The following CDH18 variants were observed in gnomAD, a reference collection of about 807,000 sequenced individuals.
CDH18 encodes the protein cadherin-18.
CDH18 carries 31 observed loss-of-function variants against 67.9 expected under a neutral mutation model. That is an observed-to-expected ratio of 0.46 (90% CI 0.34 to 0.62). CDH18 has a LOEUF of 0.62. CDH18 is among the 20% of genes least tolerant of loss of function. The pLI is 0.01. For synonymous variants in CDH18, 362 were observed against 347.2 expected, an observed-to-expected ratio of 1.04 and a Z score of -0.48; for missense variants, 890 against 975.5, an observed-to-expected ratio of 0.91 and a Z score of 1.17.
chr5:19,636,810 A>T (rs1385623180), intron 5 of CDH18, among the ~76,000 whole-genome samples: 3 of 152,068 alleles, frequency 2.0e-5, no homozygotes, highest in African/African-American at 7.2e-5. Context: ...GTTAAGAATG[A>T]AAATAAAACA....
intron 1 of CDH18, among the ~76,000 whole-genome samples, chr5:20,538,846 T>C (rs914007898): frequency 6.0e-5 from 9 of 150,734 alleles, no homozygotes; most frequent in Admixed American, 1.3e-4. Flanking sequence ...GAATTTTGAA[T>C]TGAGGTGGCC....
At position 19,571,598 on chromosome 5, in the gene CDH18, T is replaced by C. The variant is rs755361521; in HGVS notation, c.1234A>G (p.Ser412Gly). 3 of 1,614,034 alleles carry C rather than the reference T, an allele frequency of 1.9e-6. No homozygotes were observed. The highest frequency in any genetic ancestry group is 2.5e-6 in the Non-Finnish European group (3 of 1,179,898). ...CCATACCTTACTAAGCTGTTAGTACTGTCAGGATCTTGTGCCAAAACTGTA... is the reference window on the plus strand; with the variant it reads ...CCATACCTTACTAAGCTGTTAGTACCGTCAGGATCTTGTGCCAAAACTGTA... ...VGTVLAQDPD[S>G]TNSLVRYFIN... Residue 412 changes from serine (S) to glycine (G), a missense_variant, in exon 8 of 13, where the codon AGT becomes GGT. Around this residue, in one of 2 missense-constraint regions of CDH18, gnomAD observed 656 missense variants for 668.1 expected, o/e 0.98. Transcript: ENST00000382275.
chr5:20,485,023 T>G (rs1753077059), intron 1 of CDH18, among the ~76,000 whole-genome samples: 1 of 152,124 alleles, frequency 6.6e-6, no homozygotes, highest in Non-Finnish European at 1.5e-5. Context: ...GAAATAATGA[T>G]ATGTTTGAAT....
intron 9 of CDH18, among the ~76,000 whole-genome samples, chr5:19,528,358 T>C (rs1222213714): frequency 6.6e-6 from 1 of 151,734 alleles, no homozygotes; most frequent in African/African-American, 2.4e-5. Context: ...ACTAACAAAA[T>C]GGATTATAAG....
chr5:20,008,041 T>C (rs1445600113), intron 2 of CDH18, among the ~76,000 whole-genome samples: 1 of 151,970 alleles, frequency 6.6e-6, no homozygotes, highest in South Asian at 2.1e-4. Flanking sequence ...TTCTGGGAGT[T>C]TCTCAATATG....
At chr5:20,313,515 T>C (rs980531494) in intron 1 of CDH18, among the ~76,000 whole-genome samples, 1 of 152,104 alleles carries the variant, frequency 6.6e-6, no homozygotes, top group Non-Finnish European at 1.5e-5. Flanking sequence ...CTCCACTGAC[T>C]TTAACATAAA....
chr5:19,964,671 A>AT (rs966438661), intron 2 of CDH18, among the ~76,000 whole-genome samples: 6 of 149,766 alleles, frequency 4.0e-5, no homozygotes, highest in Non-Finnish European at 7.5e-5. Context: ...AGAAAAAAAA[A>AT]GAAAGAAAAG....
chr5:19,482,178 C>T (rs915766436), intron 12 of CDH18, among the ~76,000 whole-genome samples: 12 of 151,806 alleles, frequency 7.9e-5, no homozygotes, highest in Non-Finnish European at 1.2e-4. Context: ...TGCAGTGGCG[C>T]GATCTCAGCT....
chr5:19,685,109 C>G (rs1429482331), intron 5 of CDH18, among the ~76,000 whole-genome samples: 1 of 152,090 alleles, frequency 6.6e-6, no homozygotes, highest in Non-Finnish European at 1.5e-5. Context: ...TCTGTGGAAC[C>G]AAAGAGAAAT....
chr5:19,527,527 T>C (rs1431962627), intron 9 of CDH18, among the ~76,000 whole-genome samples: 1 of 151,678 alleles, frequency 6.6e-6, no homozygotes, highest in Non-Finnish European at 1.5e-5. Flanking sequence ...ATATCATATA[T>C]AATAAATTAC....
intron 3 of CDH18, among the ~76,000 whole-genome samples, chr5:19,764,132 G>A (rs1772753887): frequency 2.0e-5 from 3 of 147,528 alleles, no homozygotes; most frequent in South Asian, 2.1e-4. Context: ...TCGTGCCACT[G>A]TACTCTGCAC....
intron 1 of CDH18, among the ~76,000 whole-genome samples, chr5:20,420,522 A>G (rs994338458): frequency 6.6e-6 from 1 of 151,210 alleles, no homozygotes; most frequent in African/African-American, 2.5e-5. Context: ...GTGAAAAATA[A>G]AGCATTTACT....
chr5:19,652,790 G>A (rs1755770898), intron 5 of CDH18, among the ~76,000 whole-genome samples: 1 of 152,132 alleles, frequency 6.6e-6, no homozygotes, highest in Non-Finnish European at 1.5e-5. Flanking sequence ...ATGATGCTAA[G>A]AGAGGCATCA....
chr5:20,211,673 TGA>T (rs1740366582), intron 2 of CDH18, among the ~76,000 whole-genome samples: 1 of 152,218 alleles, frequency 6.6e-6, no homozygotes, highest in South Asian at 2.1e-4. Context: ...GACCTGCAGC[TGA>T]GAGTCCTGAC....
At chr5:19,663,875 A>AT (rs1174120938) in intron 5 of CDH18, among the ~76,000 whole-genome samples, 2 of 142,404 alleles carry the variant, frequency 1.4e-5, no homozygotes, top group Non-Finnish European at 3.2e-5. Flanking sequence ...CACTTAAAAG[A>AT]CTTTTTTTTT....
intron 1 of CDH18, among the ~76,000 whole-genome samples, chr5:20,511,879 C>T (rs545678573): frequency 1.4e-4 from 21 of 152,036 alleles, no homozygotes; most frequent in Middle Eastern, 3.4e-3. Flanking sequence ...TAATGTATAC[C>T]AATAAGCAGG....
chr5:19,687,444 C>A (rs763292597), intron 5 of CDH18, among the ~76,000 whole-genome samples: 34 of 152,168 alleles, frequency 2.2e-4, no homozygotes, highest in Non-Finnish European at 4.8e-4. Flanking sequence ...GTTACACCCA[C>A]TGGAATGGCA....
rs564775596 is a variant in CDH18, at chr5:19,533,120, T to C, written c.1390+10749A>G. 1.0e-3 allele frequency among the ~76,000 whole-genome samples: 155 copies of C among 152,254 alleles called. No homozygotes were observed. In the South Asian group the frequency reaches 0.031, roughly 31 times the overall value. On this transcript the variant is annotated intron_variant, in intron 9 of 12. Coordinates refer to ENST00000382275, the MANE Select transcript of CDH18 (RefSeq NM_004934.5). ...AACAACTCAAGATACATTTAAAGTG[T>C]AAAACTTGGTGTCTCACAATTCAAT...
intron 1 of CDH18, among the ~76,000 whole-genome samples, chr5:20,325,672 A>G (rs996542237): frequency 6.6e-6 from 1 of 152,132 alleles, no homozygotes; most frequent in Non-Finnish European, 1.5e-5. Flanking sequence ...AAAAAAAGAA[A>G]TAAAAACCAC....
Sources: gnomAD v4.1 joint callset for allele counts (sites outside exome capture counted in the v4.1 genomes callset) on GRCh38, gnomAD v4.1.1 for gene constraint, gnomAD v4.1.1 regional missense constraint, MANE v1.5 for transcripts, NCBI Gene and HGNC (gene_info 2026-07-23, HGNC 2026-07-21) for gene names.